Variants in MICALL1 observed in about 807,000 individuals in gnomAD.
The protein encoded by MICALL1 is MICAL like 1, also known as MICAL-like protein 1.
MICALL1 carries 61 observed loss-of-function variants against 83.7 expected under a neutral mutation model. The observed-to-expected ratio is 0.73, with a 90% confidence interval of 0.59 to 0.90. The LOEUF is 0.90. MICALL1 is among the 40% of genes least tolerant of loss of function. The pLI is 0.00. For synonymous variants in MICALL1, 481 were observed against 473.6 expected (o/e 1.02, Z -0.20); for missense variants, 1,066 against 1,152.0 (o/e 0.93, Z 1.08).
Position 37,940,829 on chromosome 22 carries a change from A to G in MICALL1, c.2591A>G (p.Ter864=). Residue 864 remains the stop codon, a stop_retained_variant, in exon 16 of 16, where the codon TAA becomes TGA. Coordinates refer to ENST00000215957, the MANE Select transcript of MICALL1 (RefSeq NM_033386.4). ...AGCAAGTCCCCCAGAGACAAGAGCT[A>G]ACAGCACGAGAAGCCAGTTGGGGAC... is the stretch of plus-strand genomic sequence containing the variant. ...AKSKSPRDKS[*] is the part of the protein sequence containing the mutation. 1 of 1,613,768 alleles carries G rather than the reference A, an allele frequency of 6.2e-7. No individual in the cohort carries two copies. The highest frequency in any genetic ancestry group is 1.1e-5 in the South Asian group (1 of 91,086).
chr22:37,916,306 G>A (rs1412475535), intron 3 of MICALL1, among the ~76,000 whole-genome samples: 1 of 152,208 alleles, frequency 6.6e-6, no homozygotes, highest in African/African-American at 2.4e-5. Flanking sequence ...GCCTCGCAAT[G>A]TATTTTCATA....
At position 37,924,666 on chromosome 22, in the gene MICALL1, T is replaced by C. The variant is rs201690599; in HGVS notation, c.1031T>C (p.Leu344Pro). The C allele has an allele frequency of 6.2e-7, 1 of 1,612,334 alleles. No individual in the cohort carries two copies. The change falls in exon 7 of 16, where the codon CTG (leucine) becomes CCG (proline). Residue 344 changes from leucine (L) to proline (P), a missense_variant. Transcript: ENST00000215957. This position sits in a 1 kb window ranked among gnomAD's most constrained non-coding sequence, Gnocchi z 5.2. ...ACTCTCCTTTCCCATCTAGGGAGAC[T>C]GCACGAACTGCCTGTCCCCAAGCCG... is the stretch of plus-strand genomic sequence containing the variant. ...AGSSSLVNGR[L>P]HELPVPKPRG...
chr22:37,937,418 CTTTTT>C (rs34844677), intron 14 of MICALL1, among the ~76,000 whole-genome samples: 4 of 113,420 alleles, frequency 3.5e-5, no homozygotes, highest in East Asian at 2.5e-4. Context: ...GCTGCCGCTG[CTTTTT>C]TTTTTTTTTT....
rs775898321 is a variant in MICALL1 at position 37,927,419 on chromosome 22, G to A, written c.1474G>A (p.Ala492Thr). Reference sequence around the variant, plus strand: ...GGTGCTCGTCCGCACAGCTCTCCACGCCTCCCGCCTCTCGCACTCGGAGCC... The same window carrying A: ...GGTGCTCGTCCGCACAGCTCTCCACACCTCCCGCCTCTCGCACTCGGAGCC... ...APSASPLALH[A>T]SRLSHSEPPS... The change falls in exon 9 of 16, where the codon GCC (alanine) becomes ACC (threonine). Residue 492 changes from alanine to threonine, a missense_variant. Transcript: ENST00000215957. 13 of 1,580,912 alleles carry A rather than the reference G, an allele frequency of 8.2e-6. No individual in the cohort carries two copies. In the East Asian group the frequency reaches 1.4e-4, roughly 17 times the overall value.
chr22:37,915,072 C>G (rs1029744671), intron 3 of MICALL1, among the ~76,000 whole-genome samples: 6 of 151,952 alleles, frequency 3.9e-5, no homozygotes, highest in African/African-American at 1.4e-4. Context: ...ATAGCAAGAA[C>G]CTGTCTCTAC....
At chr22:37,929,899 T>C (rs1352706434) in intron 9 of MICALL1, among the ~76,000 whole-genome samples, 3 of 152,182 alleles carry the variant, frequency 2.0e-5, no homozygotes, top group Non-Finnish European at 2.9e-5. Context: ...CGTTGAACCT[T>C]CCCTGGTCCC....
intron 13 of MICALL1, among the ~76,000 whole-genome samples, chr22:37,935,891 C>A (rs1455505222): frequency 2.6e-5 from 4 of 152,076 alleles, no homozygotes; most frequent in African/African-American, 7.2e-5. Context: ...CACCACACCC[C>A]GCTAATTTTT....
intron 6 of MICALL1, among the ~76,000 whole-genome samples, chr22:37,923,074 T>C (rs1929197908): frequency 6.6e-6 from 1 of 151,984 alleles, no homozygotes; most frequent in South Asian, 2.1e-4. Flanking sequence ...TAGCTGGGAT[T>C]ACAGGCTACC....
chr22:37,934,984 G>T (rs367669254), intron 13 of MICALL1, among the ~76,000 whole-genome samples: 181 of 143,952 alleles, frequency 1.3e-3, no homozygotes, highest in African/African-American at 4.1e-3. Context: ...CAGGCTGGAG[G>T]GCAGTGGCAC....
Position 37,930,049 on chromosome 22 carries a change from A to G in MICALL1, c.1882-1750A>G, listed in dbSNP as rs1473020576. ...GCACCAAGTGTCCTGAGTGCTCGAA[A>G]GACCCCCTGGTTCCTTGGTGGTGGA... On this transcript the variant is annotated intron_variant, in intron 9 of 15. Coordinates refer to ENST00000215957, the MANE Select transcript of MICALL1 (RefSeq NM_033386.4). The surrounding 1 kb of genome is among the most constrained non-coding windows in gnomAD (Gnocchi z 4.8). Among the ~76,000 whole-genome samples the G allele has an allele frequency of 2.6e-5, 4 of 152,220 alleles. No homozygotes were observed. Among genetic ancestry groups the G allele is most frequent in the Non-Finnish European group, 5.9e-5 (4 of 68,028 alleles).
chr22:37,936,891 C>CA (rs1007404284), intron 13 of MICALL1, among the ~76,000 whole-genome samples, 189 bp from the exon 14 acceptor site: 161 of 119,382 alleles, frequency 1.3e-3, no homozygotes, highest in African/African-American at 2.7e-3. Context: ...GACTCCGTCT[C>CA]AAAAAAAAAA....
At position 37,924,614 on chromosome 22, in the gene MICALL1, C is replaced by T. The variant is rs368851399; in HGVS notation, c.1025-46C>T. 2 of 1,589,254 alleles carry T rather than the reference C, an allele frequency of 1.3e-6. No individual in the cohort carries two copies. Among genetic ancestry groups the T allele is most frequent in the Admixed American group, 1.7e-5 (1 of 58,324 alleles). On this transcript the variant is annotated intron_variant, in intron 6 of 15. Coordinates refer to ENST00000215957, the MANE Select transcript of MICALL1 (RefSeq NM_033386.4). This position sits in a 1 kb window ranked among gnomAD's most constrained non-coding sequence, Gnocchi z 5.2. ...TGTGGCTGGCTCCCTGGGTGCCCAC[C>T]TCCTGCTGCCCATGAAGGCCTGGCT...
chr22:37,914,470 A>G (rs1356575360), intron 3 of MICALL1, among the ~76,000 whole-genome samples: 4 of 150,442 alleles, frequency 2.7e-5, no homozygotes, highest in African/African-American at 9.8e-5. Context: ...CAGGTGATCC[A>G]CCCACCTCAG....
rs762832856 is a variant in MICALL1 at position 37,924,738 on chromosome 22, C to A, written c.1082+21C>A. On this transcript the variant is annotated intron_variant, in intron 7 of 15. Transcript: ENST00000215957. This position sits in a 1 kb window ranked among gnomAD's most constrained non-coding sequence, Gnocchi z 5.2. ...GAGGGGTATGTCGATCCCTGAGGGG[C>A]TTTCCTGCTTTGGAGGTCCTGGTGG... The A allele has an allele frequency of 1.2e-6, 2 of 1,609,466 alleles. No homozygotes were observed.
chr22:37,922,288 C>A lies in MICALL1; in HGVS notation c.886C>A (p.Pro296Thr). The A allele has an allele frequency of 6.4e-7, 1 of 1,560,008 alleles. No individual in the cohort carries two copies. Among genetic ancestry groups the A allele is most frequent in the Non-Finnish European group, 8.7e-7 (1 of 1,153,174 alleles). ...TGGCAAACTACAGGAGCTGGCCAGC[C>A]CCCCTGCGGGCCGCCCCACCCCTGC... The part of the protein sequence containing the change: ...VPGKLQELAS[P>T]PAGRPTPAPR... The change falls in exon 6 of 16, where the codon CCC becomes ACC. Residue 296 changes from proline (P) to threonine (T), a missense_variant. By Grantham distance (38) the Pro-to-Thr change is conservative (BLOSUM62 -1). Coordinates refer to ENST00000215957, the MANE Select transcript of MICALL1 (RefSeq NM_033386.4).
At chr22:37,922,597 A>ATTTTTTTTTTTTTTTTTTTTTT (rs1929132009) in intron 6 of MICALL1, among the ~76,000 whole-genome samples, 171 bp downstream of exon 6, 1 of 77,158 alleles carries the variant, frequency 1.3e-5, no homozygotes, top group East Asian at 2.9e-4. Context: ...ATATATATAT[A>ATTTTTTTTTTTTTTTTTTTTTT]TATATTTTTT....
At chr22:37,922,599 A>T (rs1209288979) in intron 6 of MICALL1, among the ~76,000 whole-genome samples, 173 bp downstream of exon 6, 53 of 69,630 alleles carry the variant, frequency 7.6e-4, no homozygotes, top group South Asian at 1.3e-3. Context: ...ATATATATAT[A>T]TATTTTTTTT....
At chr22:37,920,718 G>A (rs999540082) in intron 5 of MICALL1, among the ~76,000 whole-genome samples, 8 of 151,868 alleles carry the variant, frequency 5.3e-5, no homozygotes, top group Non-Finnish European at 1.2e-4. Flanking sequence ...TCAGGAGATC[G>A]AAGCCATCCT....
chr22:37,937,805 C>T lies in MICALL1; in HGVS notation c.2470+13C>T. On this transcript the variant is annotated intron_variant, in intron 15 of 15. Transcript: ENST00000215957. ...ATCAAGAAGAAAGGTGAGGCCCTTGCTGGGGATGAGGCTGGTGAGCACTTG... is the reference window on the plus strand; with the variant it reads ...ATCAAGAAGAAAGGTGAGGCCCTTGTTGGGGATGAGGCTGGTGAGCACTTG... 1 of 1,613,132 alleles carries T rather than the reference C, an allele frequency of 6.2e-7. No homozygotes were observed. The highest frequency in any genetic ancestry group is 1.3e-5 in the African/African-American group (1 of 75,018).
Sources: allele counts gnomAD v4.1 joint callset (sites outside exome capture counted in the v4.1 genomes callset), GRCh38; gene constraint gnomAD v4.1.1; non-coding constraint Gnocchi (gnomAD v3.1); transcripts MANE v1.5; gene names NCBI Gene and HGNC (gene_info 2026-07-23, HGNC 2026-07-21).